Variants in COA7 observed in about 807,000 individuals in gnomAD.
COA7 encodes the protein Sel1 repeat containing 1.
A neutral mutation model predicts 21.0 loss-of-function variants in COA7; 12 were observed. The ratio of observed to expected loss-of-function variants is 0.57; its 90% confidence interval spans 0.37 to 0.92. The LOEUF is 0.92. Among genes scored for constraint, COA7 ranks in the 40% least tolerant of loss-of-function variants. The pLI is 0.01. For missense variants in COA7, 240 were observed against 286.1 expected, an observed-to-expected ratio of 0.84 and a Z score of 1.16; for synonymous variants, 95 against 107.4, an observed-to-expected ratio of 0.88 and a Z score of 0.72.
At chr1:52,696,894 G>A (rs1169281351) in intron 1 of COA7, among the ~76,000 whole-genome samples, 1 of 151,842 alleles carries the variant, frequency 6.6e-6, no homozygotes, top group Non-Finnish European at 1.5e-5. Flanking sequence ...TGGATTGCTT[G>A]AGGTCAGGAG....
intron 1 of COA7, among the ~76,000 whole-genome samples, chr1:52,696,955 A>C (rs1644088005): frequency 6.6e-6 from 1 of 152,174 alleles, no homozygotes; most frequent in East Asian, 1.9e-4. Flanking sequence ...ACGAAAATAC[A>C]AAAATTAGCC....
chr1:52,688,839 G>A (rs796695976), intron 2 of COA7, among the ~76,000 whole-genome samples: 1 of 152,186 alleles, frequency 6.6e-6, no homozygotes, highest in East Asian at 1.9e-4. Context: ...AATTGGGAAT[G>A]ATAATAATAT....
chr1:52,688,391 C>T (rs1322524886), intron 2 of COA7, among the ~76,000 whole-genome samples: 3 of 152,062 alleles, frequency 2.0e-5, no homozygotes, highest in African/African-American at 7.2e-5. Flanking sequence ...TACAGGCACA[C>T]ACCAACCACT....
chr1:52,697,680 C>T (rs1215071605), intron 1 of COA7, among the ~76,000 whole-genome samples: 1 of 152,234 alleles, frequency 6.6e-6, no homozygotes, highest in Non-Finnish European at 1.5e-5. Context: ...TCACACCACT[C>T]TCCTGCCTCA....
intron 2 of COA7, 27 bp downstream of exon 2, chr1:52,692,700 A>G: frequency 6.2e-7 from 1 of 1,613,668 alleles, no homozygotes; most frequent in Non-Finnish European, 8.5e-7. Flanking sequence ...ATCAATGACA[A>G]GGACCCAAAA....
rs1486225587 is a variant in COA7 at position 52,687,613 on chromosome 1, A to C, written c.*107T>G. On this transcript the variant is annotated 3_prime_UTR_variant, in exon 3 of 3. Coordinates refer to ENST00000371538, the MANE Select transcript of COA7 (RefSeq NM_023077.3). ...AAATGGAGCTACAAATTCAAGTCCC[A>C]AGTTTTTTTGCTCCAGCAGGTTGAC... The C allele has an allele frequency of 1.5e-5, 16 of 1,060,358 alleles. No homozygotes were observed. The highest frequency in any genetic ancestry group is 3.2e-5 in the African/African-American group (2 of 63,060). The allele number at this position is 1,060,358 out of a possible 1,614,324, so 65.7% of individuals were successfully genotyped here.
rs1048968660 is a variant in COA7 at position 52,689,157 on chromosome 1, A to T, written c.248-989T>A. ...AAAACATTATGAAATTATTATTATT[A>T]TTATTTTTTTTTTTTTGAGATGGAG... is the stretch of plus-strand genomic sequence containing the variant. On this transcript the variant is annotated intron_variant, in intron 2 of 2. Transcript: ENST00000371538. Among the ~76,000 whole-genome samples the T allele has an allele frequency of 2.3e-3, 344 of 151,322 alleles. 2 individuals carry two copies. Among genetic ancestry groups the T allele is most frequent in the African/African-American group, 8.1e-3 (333 of 41,260 alleles).
rs963618339 is a variant in COA7, at chr1:52,698,152, G to A, written c.106+69C>T. ...TGATTCCTTCTCCAGCCTCTCAGAG[G>A]TCGCAGACCAGACCTCTCCGGGCAC... On this transcript the variant is annotated intron_variant, in intron 1 of 2. Coordinates refer to ENST00000371538, the MANE Select transcript of COA7 (RefSeq NM_023077.3). 1.5e-5 allele frequency: 17 copies of A among 1,114,858 alleles called. No individual in the cohort carries two copies. The South Asian group carries it at 2.0e-4, about 13-fold the overall frequency. 69.1% of individuals were successfully genotyped at this position (1,114,858 alleles called of 1,614,324 possible). A position where few individuals can be genotyped will look rare whatever the true frequency, so the allele number is the denominator to read the frequency against.
rs1349608297 is a variant in COA7 at position 52,685,832 on chromosome 1, G to C, written c.*1888C>G. 1 of 151,522 alleles carries C rather than the reference G, an allele frequency of 6.6e-6. No individual in the cohort carries two copies. The highest frequency in any genetic ancestry group is 1.5e-5 in the Non-Finnish European group (1 of 68,068). 9.4% of individuals were successfully genotyped at this position (151,522 alleles called of 1,614,324 possible). On this transcript the variant is annotated 3_prime_UTR_variant, in exon 3 of 3. Transcript: ENST00000371538. ...GCCTGCCTCGGCCTCCCAAAGTGCT[G>C]GGATTGCAAGCGTGAGCCACTGCAC...
intron 1 of COA7, among the ~76,000 whole-genome samples, chr1:52,696,960 T>C (rs548603216): frequency 4.7e-4 from 71 of 151,380 alleles, no homozygotes; most frequent in African/African-American, 1.6e-3. Context: ...AATACAAAAA[T>C]TAGCCAGGCC....
rs147833680 is a variant in COA7, at chr1:52,692,858, C to T, written c.116G>A (p.Arg39Gln). 74 of 1,614,012 alleles carry T rather than the reference C, an allele frequency of 4.6e-5. No individual in the cohort carries two copies. The highest frequency in any genetic ancestry group is 4.1e-4 in the African/African-American group (31 of 74,900). Residue 39 changes from arginine to glutamine, a missense_variant, in exon 2 of 3, where the codon CGG (arginine) becomes CAG (glutamine). Transcript: ENST00000371538. ...YHEKDPDGCY[R>Q]LVDYLEGIRK... ...GATCCCTTCCAAATAGTCCACCAGCCGATAGCAACCTGCGAGAAGAGGGCA... is the reference window on the plus strand; with the variant it reads ...GATCCCTTCCAAATAGTCCACCAGCTGATAGCAACCTGCGAGAAGAGGGCA...
At chr1:52,697,950 C>G (rs1644096440) in intron 1 of COA7, 1 of 436,634 alleles carries the variant, frequency 2.3e-6, no homozygotes, top group African/African-American at 2.1e-5. Flanking sequence ...CTTGGAAGCT[C>G]CACGAGGGCA....
At position 52,684,589 on chromosome 1, in the gene COA7, A is replaced by T. The variant is rs766187314; in HGVS notation, c.*3131T>A. 5.3e-5 allele frequency: 8 copies of T among 152,184 alleles called. No individual in the cohort carries two copies. The highest frequency in any genetic ancestry group is 1.9e-4 in the East Asian group (1 of 5,202). The allele number at this position is 152,184 out of a possible 1,614,324, so 9.4% of individuals were successfully genotyped here. On this transcript the variant is annotated 3_prime_UTR_variant, in exon 3 of 3. Coordinates refer to ENST00000371538, the MANE Select transcript of COA7 (RefSeq NM_023077.3). ...TTTCAACATCTCCCACCAAAGAGGT[A>T]CATTTGCAGTAATTGATGAACCTAC... is the stretch of plus-strand genomic sequence containing the variant.
chr1:52,689,529 ACTC>A (rs1644029158), intron 2 of COA7, among the ~76,000 whole-genome samples: 1 of 151,770 alleles, frequency 6.6e-6, no homozygotes, highest in African/African-American at 2.4e-5. Flanking sequence ...GCCCAAGACA[ACTC>A]TTCTTCCAAT....
At chr1:52,690,532 G>A (rs1644037809) in intron 2 of COA7, among the ~76,000 whole-genome samples, 2 of 151,892 alleles carry the variant, frequency 1.3e-5, no homozygotes, top group Non-Finnish European at 2.9e-5. Flanking sequence ...AAACTGAAGT[G>A]AAACTAAGGA....
intron 2 of COA7, among the ~76,000 whole-genome samples, chr1:52,692,319 A>G (rs1056385206): frequency 2.5e-4 from 38 of 152,352 alleles, no homozygotes; most frequent in Middle Eastern, 3.4e-3. Context: ...AGTGATAACT[A>G]CAATTAGAGT....
chr1:52,694,928 T>C (rs540353455), intron 1 of COA7, among the ~76,000 whole-genome samples: 2 of 152,180 alleles, frequency 1.3e-5, no homozygotes, highest in East Asian at 3.9e-4. Context: ...ATAGGCCTCG[T>C]GAAACATAGG....
rs74081217 is a variant in COA7, at chr1:52,692,475, G to A, written c.247+252C>T. Reference sequence around the variant, plus strand: ...TATTTCCCTCCAATTTACAGGTGATGTAACTGAGGCACAGAGTCGAAGTGA... The same window carrying A: ...TATTTCCCTCCAATTTACAGGTGATATAACTGAGGCACAGAGTCGAAGTGA... On this transcript the variant is annotated intron_variant, in intron 2 of 2. Transcript: ENST00000371538. 4.4e-3 allele frequency among the ~76,000 whole-genome samples: 664 copies of A among 152,270 alleles called. 11 individuals carry two copies. Among genetic ancestry groups the A allele is most frequent in the African/African-American group, 0.015 (624 of 41,538 alleles).
intron 1 of COA7, among the ~76,000 whole-genome samples, chr1:52,696,146 G>A (rs1644082535): frequency 6.6e-6 from 1 of 152,000 alleles, no homozygotes; most frequent in Admixed American, 6.6e-5. Flanking sequence ...TCTATACTTA[G>A]GACATGGACC....
Sources: allele counts gnomAD v4.1 joint callset (sites outside exome capture counted in the v4.1 genomes callset), GRCh38; gene constraint gnomAD v4.1.1; transcripts MANE v1.5; gene names NCBI Gene and HGNC (gene_info 2026-07-23, HGNC 2026-07-21).